Variants in IL1RAPL1 observed in about 807,000 individuals in gnomAD.
The protein encoded by IL1RAPL1 is interleukin-1 receptor accessory protein-like 1.
IL1RAPL1 carries 3 observed loss-of-function variants against 48.4 expected under a neutral mutation model. The observed-to-expected ratio is 0.06, with a 90% CI of 0.03 to 0.16. The LOEUF is 0.16. Among genes scored for constraint, IL1RAPL1 ranks in the 10% least tolerant of loss-of-function variants. The pLI is 1.00. For synonymous variants in IL1RAPL1, 185 were observed against 187.7 expected (o/e 0.99, Z 0.12); for missense variants, 349 against 530.6 (o/e 0.66, Z 3.36).
At chrX:28,840,207 A>AAT (rs111705324) in intron 2 of IL1RAPL1, among the ~76,000 whole-genome samples, 8,336 of 110,403 alleles carry the variant, frequency 0.076, 616 homozygotes, top group East Asian at 0.24. Flanking sequence ...AATTTGCAAA[A>AAT]ATACTAGAGT....
intron 6 of IL1RAPL1, among the ~76,000 whole-genome samples, chrX:29,907,528 A>G (rs756938136): frequency 8.9e-6 from 1 of 111,797 alleles, no homozygotes; most frequent in Non-Finnish European, 1.9e-5. Context: ...AAATAATGCA[A>G]TTCTGATAAC....
chrX:28,873,173 C>T (rs1922253363), intron 2 of IL1RAPL1, among the ~76,000 whole-genome samples: 1 of 97,672 alleles, frequency 1.0e-5, no homozygotes, highest in Non-Finnish European at 2.0e-5. Flanking sequence ...CACAGTGGCA[C>T]GATCTCGGCT....
chrX:29,732,786 G>A (rs926464180), intron 6 of IL1RAPL1, among the ~76,000 whole-genome samples: 3 of 111,872 alleles, frequency 2.7e-5, no homozygotes, highest in East Asian at 2.8e-4. Flanking sequence ...GGATTGGTTC[G>A]TATTTATCTT....
At chrX:28,920,808 G>C (rs1423918961) in intron 2 of IL1RAPL1, among the ~76,000 whole-genome samples, 1 of 111,791 alleles carries the variant, frequency 8.9e-6, no homozygotes, top group African/African-American at 3.3e-5. Context: ...GGCCAGGAGT[G>C]GCTGAGGAAA....
At chrX:29,681,650 G>C (rs1260402750) in intron 6 of IL1RAPL1, among the ~76,000 whole-genome samples, 1 of 111,900 alleles carries the variant, frequency 8.9e-6, no homozygotes, top group Non-Finnish European at 1.9e-5. Flanking sequence ...CTTTACTCAA[G>C]GCTAGGCATT....
intron 2 of IL1RAPL1, among the ~76,000 whole-genome samples, chrX:28,805,039 A>G (rs1936714775): frequency 9.0e-6 from 1 of 110,754 alleles, no homozygotes; most frequent in South Asian, 3.8e-4. Flanking sequence ...GTCAGGAACC[A>G]TTGAAGAAAT....
intron 6 of IL1RAPL1, among the ~76,000 whole-genome samples, chrX:29,802,702 G>C (rs1320585673): frequency 2.1e-5 from 2 of 95,039 alleles, no homozygotes; most frequent in African/African-American, 7.5e-5. Flanking sequence ...TAAATTTTGT[G>C]TTTGGATGTA....
intron 5 of IL1RAPL1, among the ~76,000 whole-genome samples, chrX:29,433,094 G>T (rs1298466049): frequency 9.2e-6 from 1 of 109,112 alleles, no homozygotes; most frequent in Non-Finnish European, 1.9e-5. Context: ...TGCCTTTTGG[G>T]GTGCCATAAA....
chrX:29,635,770 T>G (rs984893519), intron 5 of IL1RAPL1, among the ~76,000 whole-genome samples: 1 of 108,366 alleles, frequency 9.2e-6, no homozygotes, highest in African/African-American at 3.4e-5. Context: ...AATTTAGATG[T>G]TAAATATGTA....
intron 2 of IL1RAPL1, among the ~76,000 whole-genome samples, chrX:29,137,495 G>C (rs924292128): frequency 1.8e-5 from 2 of 111,648 alleles, no homozygotes; most frequent in Non-Finnish European, 3.8e-5. Flanking sequence ...TTTTTCCTTA[G>C]TGTATGAACC....
At chrX:29,757,915 G>A (rs745307659) in intron 6 of IL1RAPL1, among the ~76,000 whole-genome samples, 22 of 111,217 alleles carry the variant, frequency 2.0e-4, no homozygotes, top group African/African-American at 6.8e-4. Context: ...GAAGAAGAGG[G>A]TCAAAAACAA....
intron 2 of IL1RAPL1, among the ~76,000 whole-genome samples, chrX:29,138,781 A>T (rs1411349548): frequency 1.8e-5 from 2 of 108,722 alleles, no homozygotes; most frequent in African/African-American, 6.7e-5. Flanking sequence ...CATCTAAAAA[A>T]AAAAAAAAAA....
intron 2 of IL1RAPL1, among the ~76,000 whole-genome samples, chrX:29,116,015 C>A (rs1435370307): frequency 9.0e-6 from 1 of 110,955 alleles, no homozygotes; most frequent in Non-Finnish European, 1.9e-5. Context: ...AAATTAAGAA[C>A]CTTTATGAAT....
intron 2 of IL1RAPL1, among the ~76,000 whole-genome samples, chrX:28,842,352 C>G (rs780990415): frequency 9.0e-6 from 1 of 110,786 alleles, no homozygotes; most frequent in Non-Finnish European, 1.9e-5. Context: ...ATGAACGATT[C>G]AACCTGTATA....
At chrX:28,739,203 A>C (rs867001947) in intron 1 of IL1RAPL1, among the ~76,000 whole-genome samples, 29 of 111,058 alleles carry the variant, frequency 2.6e-4, no homozygotes, top group Admixed American at 7.7e-4. Context: ...TTTGAATGCC[A>C]CCTTCACTGA....
intron 2 of IL1RAPL1, among the ~76,000 whole-genome samples, chrX:29,221,643 A>G (rs1263992984): frequency 1.2e-5 from 1 of 86,935 alleles, no homozygotes; most frequent in East Asian, 6.5e-4. Flanking sequence ...ACACACACAC[A>G]CACACACACA....
intron 6 of IL1RAPL1, among the ~76,000 whole-genome samples, chrX:29,742,851 C>T (rs935674551): frequency 3.6e-5 from 4 of 111,038 alleles, no homozygotes; most frequent in East Asian, 2.8e-4. Context: ...CCCGTCTTTC[C>T]GGATTTGACA....
At chrX:28,966,247 T>G (rs946319670) in intron 2 of IL1RAPL1, among the ~76,000 whole-genome samples, 1 of 112,107 alleles carries the variant, frequency 8.9e-6, no homozygotes, top group Non-Finnish European at 1.9e-5. Flanking sequence ...GAAGCATAAA[T>G]GGATGTTTTT....
chrX:28,696,409 G>C (rs1406271396), intron 1 of IL1RAPL1, among the ~76,000 whole-genome samples: 2 of 111,492 alleles, frequency 1.8e-5, no homozygotes, highest in African/African-American at 6.5e-5. Context: ...ATGAGTCATA[G>C]ATAAGTTGTT....
Sources: allele counts gnomAD v4.1 joint callset (sites outside exome capture counted in the v4.1 genomes callset), GRCh38; gene constraint gnomAD v4.1.1; transcripts MANE v1.5; gene names NCBI Gene and HGNC (gene_info 2026-07-23, HGNC 2026-07-21).